Variants in ANKAR observed in about 807,000 individuals in gnomAD.
ANKAR encodes the protein ankyrin and armadillo repeat containing.
ANKAR carries 136 observed loss-of-function variants against 146.2 expected under a neutral mutation model. The ratio of observed to expected loss-of-function variants is 0.93; its 90% CI spans 0.81 to 1.07. The LOEUF is 1.07. ANKAR is among the 50% of genes least tolerant of loss of function. The probability of loss-of-function intolerance (pLI) is 0.00; values close to 1 mark genes in which losing one functional copy is unlikely to be tolerated. For synonymous variants in ANKAR, 500 were observed against 575.8 expected (o/e 0.87, Z 1.88); for missense variants, 1,567 against 1,679.9 (o/e 0.93, Z 1.18).
intron 5 of ANKAR, among the ~76,000 whole-genome samples, chr2:189,693,964 G>A (rs771877415): frequency 3.3e-5 from 5 of 152,040 alleles, no homozygotes; most frequent in Non-Finnish European, 7.4e-5. Context: ...GGTCAGGCTG[G>A]TCTCGAACTC....
At chr2:189,742,191 T>C (rs574504623) in intron 20 of ANKAR, among the ~76,000 whole-genome samples, 1 of 152,212 alleles carries the variant, frequency 6.6e-6, no homozygotes, top group Admixed American at 6.5e-5. Flanking sequence ...ATTCCTAGAG[T>C]TTCTGAGCCA....
At chr2:189,712,436 T>A (rs1345020407) in intron 10 of ANKAR, among the ~76,000 whole-genome samples, 1 of 152,206 alleles carries the variant, frequency 6.6e-6, no homozygotes, top group Admixed American at 6.5e-5. Flanking sequence ...GTTCTGCAAT[T>A]TTTGCTGTTC....
At chr2:189,754,091 G>T (rs1302920708) in intron 18 of ANKAR, 5 of 1,611,452 alleles carry the variant, frequency 3.1e-6, no homozygotes, top group Non-Finnish European at 4.2e-6. Context: ...CTATTTTTAG[G>T]CACAATCCAG....
At position 189,727,982 on chromosome 2, in the gene ANKAR, T is replaced by C; in HGVS notation, c.2762T>C (p.Ile921Thr). The stretch of plus-strand genomic sequence containing the variant: ...GTGGCTCTTTTTAAAGGGAAACAAA[T>C]TAGTGTCCAAATGAAAGGTGCAATG... ...PLVALFKGKQ[I>T]SVQMKGAMAV... The change falls in exon 13 of 23, where the codon ATT (isoleucine) becomes ACT (threonine). Residue 921 changes from isoleucine (I) to threonine (T), a missense_variant. Physicochemically the swap from Ile to Thr is moderately conservative, Grantham distance 89. Transcript: ENST00000684021. 6.2e-7 allele frequency: 1 copy of C among 1,613,996 alleles called. No homozygotes were observed. The highest frequency in any genetic ancestry group is 8.5e-7 in the Non-Finnish European group (1 of 1,179,974).
At chr2:189,728,603 C>A in intron 14 of ANKAR, 57 bp from the exon 15 acceptor site, 1 of 1,575,732 alleles carries the variant, frequency 6.3e-7, no homozygotes. Flanking sequence ...GTGTCCTCTG[C>A]ATAATGTAGA....
chr2:189,683,964 T>C (rs976126434), intron 2 of ANKAR, among the ~76,000 whole-genome samples: 8 of 152,128 alleles, frequency 5.3e-5, no homozygotes, highest in African/African-American at 1.9e-4. Context: ...ACAGTAGCAA[T>C]AGTAGAGAAT....
At chr2:189,681,693 T>A (rs972326426) in intron 2 of ANKAR, among the ~76,000 whole-genome samples, 10 of 152,322 alleles carry the variant, frequency 6.6e-5, no homozygotes, top group Admixed American at 2.0e-4. Flanking sequence ...CTTGTCATAT[T>A]TACCCTTTTC....
intron 10 of ANKAR, among the ~76,000 whole-genome samples, chr2:189,714,801 C>T (rs1385705396): frequency 3.3e-5 from 5 of 151,842 alleles, no homozygotes; most frequent in African/African-American, 1.2e-4. Context: ...AAAAAATTAG[C>T]CAGGCGTGGT....
intron 7 of ANKAR, among the ~76,000 whole-genome samples, chr2:189,703,865 A>G (rs898101321): frequency 3.3e-5 from 5 of 152,194 alleles, no homozygotes; most frequent in Non-Finnish European, 5.9e-5. Flanking sequence ...AAGTAAGATG[A>G]GAATTGAAAA....
intron 2 of ANKAR, among the ~76,000 whole-genome samples, chr2:189,689,029 A>C (rs1439903610): frequency 6.6e-6 from 1 of 152,186 alleles, no homozygotes; most frequent in Non-Finnish European, 1.5e-5. Context: ...TCTTGAGGAC[A>C]GTGTTTGTTT....
At chr2:189,742,744 T>C (rs554774485) in intron 20 of ANKAR, among the ~76,000 whole-genome samples, 51 of 152,134 alleles carry the variant, frequency 3.4e-4, no homozygotes, top group Non-Finnish European at 5.4e-4. Flanking sequence ...GTCAAAGTTA[T>C]ATGGGTGATG....
intron 21 of ANKAR, 39 bp downstream of exon 21, chr2:189,743,513 C>A (rs745845606): frequency 6.4e-7 from 1 of 1,553,802 alleles, no homozygotes; most frequent in South Asian, 1.1e-5. Context: ...GTGAAATCAT[C>A]GATAGAGGAG....
chr2:189,718,201 C>T (rs1446814368), intron 10 of ANKAR, among the ~76,000 whole-genome samples: 1 of 152,152 alleles, frequency 6.6e-6, no homozygotes, highest in East Asian at 1.9e-4. Context: ...GCCTGTAATG[C>T]CAGCACTTTG....
At chr2:189,681,806 A>T (rs765008245) in intron 2 of ANKAR, among the ~76,000 whole-genome samples, 6 of 152,180 alleles carry the variant, frequency 3.9e-5, no homozygotes, top group Non-Finnish European at 8.8e-5. Context: ...TATTTTAACA[A>T]TGTGGTGTTA....
chr2:189,741,223 C>T lies in ANKAR; in HGVS notation c.3701-119C>T, dbSNP rs948711864. 2.4e-5 allele frequency: 14 copies of T among 578,582 alleles called. No individual in the cohort carries two copies. In the African/African-American group the frequency reaches 2.5e-4, roughly 10 times the overall value. 35.8% of individuals were successfully genotyped at this position (578,582 alleles called of 1,614,324 possible). A position where few individuals can be genotyped will look rare whatever the true frequency, so the allele number is the denominator to read the frequency against. Reference sequence around the variant, plus strand: ...ATATGCATGCTTTTTCTCAGTGCTGCTTCATTGACAGAGATGTCTTGTGAC... The same window carrying T: ...ATATGCATGCTTTTTCTCAGTGCTGTTTCATTGACAGAGATGTCTTGTGAC... On this transcript the variant is annotated intron_variant, in intron 19 of 22. Transcript: ENST00000684021.
At chr2:189,754,915 C>CA (rs554261917) in intron 18 of ANKAR, 11 of 434,446 alleles carry the variant, frequency 2.5e-5, no homozygotes, top group African/African-American at 1.5e-4. Flanking sequence ...CATTATTTGG[C>CA]AAAATACATA....
At chr2:189,728,566 T>G in intron 14 of ANKAR, 94 bp from the exon 15 acceptor site, 1 of 1,501,320 alleles carries the variant, frequency 6.7e-7, no homozygotes, top group Non-Finnish European at 9.0e-7. Context: ...GCCTCCCAAG[T>G]AGCTGGGATT....
At chr2:189,707,557 CTTTTGTTATA>C (rs1206179154) in intron 9 of ANKAR, among the ~76,000 whole-genome samples, 1 of 144,132 alleles carries the variant, frequency 6.9e-6, no homozygotes, top group Non-Finnish European at 1.5e-5. Context: ...TTAGCAAAAT[CTTTTGTTATA>C]TTTTGATGAA....
intron 10 of ANKAR, among the ~76,000 whole-genome samples, chr2:189,712,486 G>C (rs1043696465): frequency 6.6e-5 from 10 of 152,204 alleles, no homozygotes; most frequent in Non-Finnish European, 1.3e-4. Flanking sequence ...ACAGGGTCTG[G>C]AGTGGACCTC....
Sources: gnomAD v4.1 joint callset for allele counts (sites outside exome capture counted in the v4.1 genomes callset) on GRCh38, gnomAD v4.1.1 for gene constraint, MANE v1.5 for transcripts, NCBI Gene and HGNC (gene_info 2026-07-23, HGNC 2026-07-21) for gene names.